The following DCT variants were observed in gnomAD, a reference collection of about 807,000 sequenced individuals.
The protein encoded by DCT is L-dopachrome tautomerase.
DCT carries 47 observed loss-of-function variants against 53.0 expected under a neutral mutation model. That is an observed-to-expected ratio of 0.89 (90% CI 0.70 to 1.13). The LOEUF is 1.13. Ranked by LOEUF, DCT falls within the 50% of genes most tolerant of loss-of-function variation. DCT has a pLI of 0.00. For missense variants in DCT, 669 were observed against 637.4 expected (o/e 1.05, Z -0.53); for synonymous variants, 244 against 237.0 (o/e 1.03, Z -0.27).
rs1027345048 is a variant in DCT, at chr13:94,437,838, CATT to C, written c.*2057_*2059del. 5 of 152,124 alleles carry C rather than the reference CATT, an allele frequency of 3.3e-5. No homozygotes were observed. The highest frequency in any genetic ancestry group is 4.8e-5 in the African/African-American group (2 of 41,450). The allele number at this position is 152,124 out of a possible 1,614,324, so 9.4% of individuals were successfully genotyped here. A position where few individuals can be genotyped will look rare whatever the true frequency, so the allele number is the denominator to read the frequency against. ...AAATTAGGAAATTCTCTCAGGAAGA[CATT>C]ATAAAACATAATAGTTATAAAAAGT... On this transcript the variant is annotated 3_prime_UTR_variant, in exon 8 of 8. Transcript: ENST00000377028.
At chr13:94,524,340 A>G in the DCT span, among the ~76,000 whole-genome samples, 1 of 152,192 alleles carries the variant, frequency 6.6e-6, no homozygotes, top group African/African-American at 2.4e-5. Flanking sequence ...CTACCGCCTT[A>G]TGTCTGCTCA....
chr13:94,501,281 A>T, the DCT span, among the ~76,000 whole-genome samples: 2,767 of 152,152 alleles, frequency 0.018, 56 homozygotes, highest in South Asian at 0.056. Context: ...ATAAATAAAT[A>T]AATTAATTAA....
chr13:94,548,087 C>T, the DCT span, among the ~76,000 whole-genome samples: 3 of 150,312 alleles, frequency 2.0e-5, no homozygotes, highest in African/African-American at 7.4e-5. Context: ...ATACAAGTAC[C>T]TGTATGTTTA....
chr13:94,468,787 A>C lies in DCT; in HGVS notation c.554T>G (p.Phe185Cys), dbSNP rs1455481815. 2 of 1,614,190 alleles carry C rather than the reference A, an allele frequency of 1.2e-6. No homozygotes were observed. The highest frequency in any genetic ancestry group is 1.3e-5 in the African/African-American group (1 of 75,042). ...AACAGAATAATAATGGAGCCACACA[A>C]AAAAATCATAAACACTGCAGTTGGC... is the stretch of plus-strand genomic sequence containing the variant. ...QFANCSVYDFFVWLHYYSVRD... is the reference protein window; with the variant it reads ...QFANCSVYDFCVWLHYYSVRD... The change falls in exon 2 of 8, where the codon TTT becomes TGT. Residue 185 changes from phenylalanine to cysteine, a missense_variant. Physicochemically the swap from Phe to Cys is radical, Grantham distance 205. Coordinates refer to ENST00000377028, the MANE Select transcript of DCT (RefSeq NM_001922.5).
intron 4 of DCT, among the ~76,000 whole-genome samples, chr13:94,464,132 C>T (rs534108992): frequency 5.6e-4 from 85 of 152,204 alleles, no homozygotes; most frequent in Non-Finnish European, 1.0e-3. Context: ...CTGATGATGT[C>T]CCTGCTCGTG....
upstream of DCT, among the ~76,000 whole-genome samples, chr13:94,479,839 G>A (rs182248884): frequency 2.6e-5 from 4 of 152,304 alleles, no homozygotes; most frequent in African/African-American, 9.6e-5. Flanking sequence ...CAATAAAGGA[G>A]ATCACTTCTG....
rs1450913329 is a variant in DCT, at chr13:94,443,425, G to C, written c.1381+11C>G. On this transcript the variant is annotated intron_variant, in intron 7 of 7. Coordinates refer to ENST00000377028, the MANE Select transcript of DCT (RefSeq NM_001922.5). ...TGAATGAATCACCCATTTGGAAGTT[G>C]TGTTAGTTACCTGGCAGATCGATGG... The C allele has an allele frequency of 6.3e-7, 1 of 1,599,444 alleles. No individual in the cohort carries two copies. The highest frequency in any genetic ancestry group is 8.6e-7 in the Non-Finnish European group (1 of 1,166,666).
At chr13:94,511,548 TG>T in the DCT span, among the ~76,000 whole-genome samples, 1 of 151,898 alleles carries the variant, frequency 6.6e-6, no homozygotes, top group Non-Finnish European at 1.5e-5. Context: ...TTTGTAGAGA[TG>T]GGGTTTCACC....
At chr13:94,466,505 T>C (rs1884228802) in intron 3 of DCT, 53 bp downstream of exon 3, 5 of 1,172,560 alleles carry the variant, frequency 4.3e-6, no homozygotes, top group South Asian at 3.1e-5. Flanking sequence ...CTTAAATATA[T>C]ACAATAAATT....
At chr13:94,441,863 A>G (rs1410101175) in intron 7 of DCT, among the ~76,000 whole-genome samples, 1 of 152,178 alleles carries the variant, frequency 6.6e-6, no homozygotes, top group Non-Finnish European at 1.5e-5. Flanking sequence ...GTATACCAGA[A>G]GTATAATTGC....
chr13:94,534,114 C>T, the DCT span, among the ~76,000 whole-genome samples: 1 of 151,152 alleles, frequency 6.6e-6, no homozygotes, highest in South Asian at 2.1e-4. Flanking sequence ...CACAAGTTTC[C>T]CCATATATAT....
intron 1 of DCT, among the ~76,000 whole-genome samples, chr13:94,472,538 A>T (rs1464501501): frequency 4.3e-5 from 1 of 23,510 alleles, no homozygotes; most frequent in Non-Finnish European, 7.3e-5. Context: ...ATATATATAT[A>T]TATATATATA....
At chr13:94,527,967 A>G in the DCT span, among the ~76,000 whole-genome samples, 2 of 152,244 alleles carry the variant, frequency 1.3e-5, no homozygotes, top group Non-Finnish European at 2.9e-5. Flanking sequence ...GCTGAAAACC[A>G]TGGCACGAGA....
At chr13:94,541,707 A>T in the DCT span, among the ~76,000 whole-genome samples, 1 of 152,182 alleles carries the variant, frequency 6.6e-6, no homozygotes. Context: ...AAGAAATGAT[A>T]CATGTTTGAG....
chr13:94,527,752 C>T, the DCT span, among the ~76,000 whole-genome samples: 7 of 152,112 alleles, frequency 4.6e-5, no homozygotes, highest in Admixed American at 1.3e-4. Flanking sequence ...TGCAGCTCCT[C>T]GCCAGCAAGG....
At chr13:94,464,212 G>A (rs1239487018) in intron 4 of DCT, among the ~76,000 whole-genome samples, 2 of 152,182 alleles carry the variant, frequency 1.3e-5, no homozygotes, top group African/African-American at 2.4e-5. Flanking sequence ...GCTGGGCATG[G>A]GCCCCTCAAA....
the DCT span, among the ~76,000 whole-genome samples, chr13:94,533,964 T>C: frequency 2.0e-5 from 3 of 152,150 alleles, no homozygotes; most frequent in East Asian, 1.9e-4. Context: ...CATCTTTTTA[T>C]GTATGTACAC....
chr13:94,472,562 A>T (rs1360292935), intron 1 of DCT, among the ~76,000 whole-genome samples: 24 of 19,076 alleles, frequency 1.3e-3, no homozygotes, highest in African/African-American at 2.8e-3. Context: ...ATATATATAT[A>T]TATATATTTT....
the DCT span, among the ~76,000 whole-genome samples, chr13:94,487,233 A>G: frequency 6.6e-6 from 1 of 152,236 alleles, no homozygotes; most frequent in Non-Finnish European, 1.5e-5. Context: ...TCTGAAAGCC[A>G]GTAAAGAGAG....
Sources: gnomAD v4.1 joint callset for allele counts (sites outside exome capture counted in the v4.1 genomes callset) on GRCh38, gnomAD v4.1.1 for gene constraint, MANE v1.5 for transcripts, NCBI Gene and HGNC (gene_info 2026-07-23, HGNC 2026-07-21) for gene names.